The following CAMTA1 variants were observed in gnomAD, a reference collection of about 807,000 sequenced individuals.
The protein encoded by CAMTA1 is calmodulin-binding transcription activator 1.
In CAMTA1, 27 loss-of-function variants were observed where a neutral mutation model predicts 170.9. That is an observed-to-expected ratio of 0.16 (90% CI 0.12 to 0.22). The LOEUF (loss-of-function observed/expected upper bound fraction) is 0.22. Among genes scored for constraint, CAMTA1 ranks in the 10% least tolerant of loss-of-function variants. The probability of loss-of-function intolerance (pLI) is 1.00; values close to 1 mark genes in which losing one functional copy is unlikely to be tolerated. For missense variants in CAMTA1, 1,619 were observed against 2,217.2 expected (o/e 0.73, Z 5.42); for synonymous variants, 833 against 891.5 (o/e 0.93, Z 1.17).
At chr1:7,730,467 G>A (rs1193113575) in intron 11 of CAMTA1, among the ~76,000 whole-genome samples, 3 of 152,182 alleles carry the variant, frequency 2.0e-5, no homozygotes, top group Non-Finnish European at 4.4e-5. Flanking sequence ...TTCCTGACTT[G>A]TCTAAACTCT....
At chr1:7,263,719 TA>T (rs2149367024) in intron 5 of CAMTA1, among the ~76,000 whole-genome samples, 1 of 152,278 alleles carries the variant, frequency 6.6e-6, no homozygotes, top group African/African-American at 2.4e-5. Context: ...TTTGGCTACA[TA>T]AACAAGGACA....
intron 3 of CAMTA1, among the ~76,000 whole-genome samples, chr1:6,877,547 G>A (rs1185238225): frequency 6.6e-6 from 1 of 152,152 alleles, no homozygotes; most frequent in East Asian, 1.9e-4. Context: ...TCTCATTTGT[G>A]GTGATTGTTT....
chr1:7,751,459 C>A, intron 20 of CAMTA1, 67 bp downstream of exon 20: 1 of 1,398,146 alleles, frequency 7.2e-7, no homozygotes, highest in Non-Finnish European at 9.7e-7. Flanking sequence ...CTTTGAAAGA[C>A]TTGTCCTGGG....
At chr1:7,607,118 AGGAT>A (rs749176148) in intron 6 of CAMTA1, among the ~76,000 whole-genome samples, 1,690 of 149,666 alleles carry the variant, frequency 0.011, 18 homozygotes, top group African/African-American at 0.022. Context: ...GGTAGATGGA[AGGAT>A]GGATGGATGG....
intron 3 of CAMTA1, among the ~76,000 whole-genome samples, chr1:6,957,820 T>G (rs976377696): frequency 2.0e-5 from 3 of 152,248 alleles, no homozygotes; most frequent in African/African-American, 7.2e-5. Context: ...GGGGCCATTA[T>G]TCTGCCTGCC....
At chr1:6,855,268 C>T (rs1661863868) in intron 3 of CAMTA1, among the ~76,000 whole-genome samples, 1 of 151,928 alleles carries the variant, frequency 6.6e-6, no homozygotes, top group South Asian at 2.1e-4. Flanking sequence ...AGTTTGTCCT[C>T]ATAGGGCTAT....
At chr1:7,391,512 A>G (rs971516344) in intron 5 of CAMTA1, among the ~76,000 whole-genome samples, 2 of 152,130 alleles carry the variant, frequency 1.3e-5, no homozygotes, top group African/African-American at 2.4e-5. Flanking sequence ...TACAATTAAC[A>G]TATGGTAAAA....
intron 11 of CAMTA1, among the ~76,000 whole-genome samples, chr1:7,701,539 C>T (rs2096439992): frequency 6.6e-6 from 1 of 152,002 alleles, no homozygotes; most frequent in African/African-American, 2.4e-5. Flanking sequence ...CCTCAGCCTC[C>T]CAAATAGCTA....
At chr1:7,054,472 G>A (rs1247201482) in intron 3 of CAMTA1, among the ~76,000 whole-genome samples, 1 of 152,192 alleles carries the variant, frequency 6.6e-6, no homozygotes, top group Non-Finnish European at 1.5e-5. Flanking sequence ...TGGCTCAGTG[G>A]AAGCAGCTAA....
intron 3 of CAMTA1, among the ~76,000 whole-genome samples, chr1:7,090,979 A>C (rs116220859): frequency 6.6e-6 from 1 of 152,172 alleles, no homozygotes; most frequent in African/African-American, 2.4e-5. Context: ...TGTTGTTGGC[A>C]TGTGTTTTTC....
intron 3 of CAMTA1, among the ~76,000 whole-genome samples, chr1:6,981,072 G>C (rs1260444220): frequency 6.6e-6 from 1 of 151,276 alleles, no homozygotes; most frequent in Non-Finnish European, 1.5e-5. Context: ...CGGTGGCTCT[G>C]AGAACAGCCC....
intron 4 of CAMTA1, among the ~76,000 whole-genome samples, chr1:7,203,676 T>TC (rs1411478516): frequency 1.3e-5 from 2 of 151,930 alleles, no homozygotes; most frequent in African/African-American, 4.8e-5. Context: ...GTAGTCATTT[T>TC]CATTTCTGTA....
At chr1:7,412,073 G>C (rs536621406) in intron 5 of CAMTA1, among the ~76,000 whole-genome samples, 13 of 151,952 alleles carry the variant, frequency 8.6e-5, no homozygotes, top group Non-Finnish European at 1.9e-4. Context: ...CCATGTCCCT[G>C]CAAAGGACAT....
intron 11 of CAMTA1, among the ~76,000 whole-genome samples, chr1:7,711,380 AG>A (rs1354119021): frequency 6.6e-6 from 1 of 152,118 alleles, no homozygotes; most frequent in Non-Finnish European, 1.5e-5. Context: ...GCACTCCCCA[AG>A]GAAGAAGTAA....
Position 6,949,824 on chromosome 1 carries a change from C to T in CAMTA1, c.234+124614C>T, listed in dbSNP as rs562181073. On this transcript the variant is annotated intron_variant, in intron 3 of 22. Coordinates refer to ENST00000303635, the MANE Select transcript of CAMTA1 (RefSeq NM_015215.4). ...TAAGTGCAAAAGGGAGGGCAGTGAC[C>T]AGGCCTTCTGCCCTCGGCACGCCAG... 3.3e-3 allele frequency among the ~76,000 whole-genome samples: 497 copies of T among 152,372 alleles called. 2 individuals are homozygous for T. The highest frequency in any genetic ancestry group is 0.011 in the African/African-American group (475 of 41,592).
At chr1:6,915,400 G>T (rs2149292036) in intron 3 of CAMTA1, among the ~76,000 whole-genome samples, 1 of 152,250 alleles carries the variant, frequency 6.6e-6, no homozygotes, top group Middle Eastern at 3.4e-3. Context: ...TAATTTCCCT[G>T]TCCTGTCTTC....
At chr1:6,828,112 G>T (rs1647894047) in intron 3 of CAMTA1, among the ~76,000 whole-genome samples, 1 of 152,058 alleles carries the variant, frequency 6.6e-6, no homozygotes, top group African/African-American at 2.4e-5. Context: ...CCATGTTCGT[G>T]TGTGCTCGCT....
intron 4 of CAMTA1, among the ~76,000 whole-genome samples, chr1:7,147,092 T>G (rs1646242359): frequency 6.6e-6 from 1 of 151,302 alleles, no homozygotes; most frequent in South Asian, 2.1e-4. Flanking sequence ...AACACACTCA[T>G]GTACAGCATG....
chr1:7,041,758 C>T lies in CAMTA1; in HGVS notation c.235-49546C>T, dbSNP rs1417883780. On this transcript the variant is annotated intron_variant, in intron 3 of 22. Transcript: ENST00000303635. The surrounding 1 kb of genome is among the most constrained non-coding windows in gnomAD (Gnocchi z 5.1). The stretch of plus-strand genomic sequence containing the variant: ...TGATATTCTACATCCGTTTTGAATT[C>T]CAAAGAATATCAGGAGAGCGAACCA... Among the ~76,000 whole-genome samples the T allele has an allele frequency of 6.6e-6, 1 of 152,156 alleles. No homozygotes were observed. Among genetic ancestry groups the T allele is most frequent in the Non-Finnish European group, 1.5e-5 (1 of 68,028 alleles).
Sources: gnomAD v4.1 joint callset for allele counts (sites outside exome capture counted in the v4.1 genomes callset) on GRCh38, gnomAD v4.1.1 for gene constraint, Gnocchi (gnomAD v3.1) non-coding constraint, MANE v1.5 for transcripts, NCBI Gene and HGNC (gene_info 2026-07-23, HGNC 2026-07-21) for gene names.